The following CEP83 variants were observed in gnomAD, a reference collection of about 807,000 sequenced individuals.
CEP83 encodes the protein centrosomal protein of 83 kDa.
Under a neutral mutation model 101.9 loss-of-function variants are expected in CEP83, and 70 were observed. The observed-to-expected ratio is 0.69, with a 90% CI of 0.57 to 0.84. The LOEUF (loss-of-function observed/expected upper bound fraction) is 0.84, where lower values mean the gene tolerates loss of function less well. CEP83 is among the 40% of genes least tolerant of loss of function. The probability of loss-of-function intolerance (pLI) is 0.00; values close to 1 mark genes in which losing one functional copy is unlikely to be tolerated. For synonymous variants in CEP83, 264 were observed against 267.9 expected (o/e 0.99, Z 0.14); for missense variants, 715 against 787.2 (o/e 0.91, Z 1.10).
chr12:94,454,862 A>G (rs1159024027), intron 1 of CEP83, among the ~76,000 whole-genome samples: 3 of 152,140 alleles, frequency 2.0e-5, no homozygotes, highest in Non-Finnish European at 4.4e-5. Context: ...GAAGCCAGCA[A>G]TACCACGAAC....
chr12:94,396,908 A>C (rs570794858), intron 6 of CEP83, among the ~76,000 whole-genome samples: 2 of 152,352 alleles, frequency 1.3e-5, no homozygotes, highest in Admixed American at 1.3e-4. Flanking sequence ...TCTACTTTGA[A>C]GTTTTCAAAC....
chr12:94,328,582 G>T (rs2059072862), intron 14 of CEP83, among the ~76,000 whole-genome samples: 1 of 152,152 alleles, frequency 6.6e-6, no homozygotes, highest in Non-Finnish European at 1.5e-5. Flanking sequence ...TAAGAAGTCT[G>T]TTGCACTCTT....
chr12:94,420,017 A>C (rs2064593924), intron 2 of CEP83, among the ~76,000 whole-genome samples: 1 of 152,238 alleles, frequency 6.6e-6, no homozygotes, highest in African/African-American at 2.4e-5. Flanking sequence ...CCATTTAGAT[A>C]TCTTCTTTTA....
chr12:94,436,202 G>C (rs1226491326), intron 1 of CEP83, among the ~76,000 whole-genome samples: 1 of 152,022 alleles, frequency 6.6e-6, no homozygotes, highest in Non-Finnish European at 1.5e-5. Context: ...GATCACACTA[G>C]CTCTCCAGCA....
chr12:94,396,772 G>C (rs1233503682), intron 6 of CEP83, among the ~76,000 whole-genome samples: 3 of 152,112 alleles, frequency 2.0e-5, no homozygotes, highest in East Asian at 3.8e-4. Flanking sequence ...ACTTTCATCT[G>C]TGTAAGTAAA....
chr12:94,398,959 G>C (rs1193936050), intron 6 of CEP83, among the ~76,000 whole-genome samples: 1 of 152,164 alleles, frequency 6.6e-6, no homozygotes, highest in Non-Finnish European at 1.5e-5. Flanking sequence ...TAAATTTGGG[G>C]TCAGACCAGT....
chr12:94,286,138 G>A, the CEP83 span, among the ~76,000 whole-genome samples: 6 of 152,318 alleles, frequency 3.9e-5, no homozygotes, highest in South Asian at 6.2e-4. Flanking sequence ...AAATTAATCC[G>A]GCCTGTAGTC....
the CEP83 span, among the ~76,000 whole-genome samples, chr12:94,284,937 G>T: frequency 2.6e-5 from 4 of 152,174 alleles, no homozygotes; most frequent in Non-Finnish European, 5.9e-5. Context: ...GTGCAAACCT[G>T]GAAATAGCCC....
intron 14 of CEP83, 63 bp downstream of exon 14, chr12:94,331,637 G>A: frequency 2.0e-6 from 3 of 1,498,980 alleles, no homozygotes; most frequent in Non-Finnish European, 2.8e-6. Flanking sequence ...CTCCCAAAGT[G>A]CTGGGATTAC....
the CEP83 span, among the ~76,000 whole-genome samples, chr12:94,287,035 C>T: frequency 6.6e-6 from 1 of 152,214 alleles, no homozygotes; most frequent in Admixed American, 6.5e-5. Context: ...CTTTCCATGA[C>T]AATAACCATG....
intron 14 of CEP83, among the ~76,000 whole-genome samples, chr12:94,313,388 A>G (rs573353079): frequency 3.9e-5 from 6 of 152,098 alleles, no homozygotes. Flanking sequence ...AAGAGAACTG[A>G]GCCAGGTACA....
At chr12:94,333,768 C>A (rs1189771215) in intron 12 of CEP83, 129 bp from the exon 13 acceptor site, 2 of 759,196 alleles carry the variant, frequency 2.6e-6, no homozygotes, top group Non-Finnish European at 4.2e-6. Context: ...TTGGAGATGA[C>A]CCCTAAAGGA....
At chr12:94,378,396 A>G (rs1484336794) in intron 7 of CEP83, among the ~76,000 whole-genome samples, 3 of 152,168 alleles carry the variant, frequency 2.0e-5, no homozygotes, top group Non-Finnish European at 4.4e-5. Flanking sequence ...TTCAAACAGG[A>G]TTTGTGACTT....
At chr12:94,430,488 T>C (rs987588194) in intron 2 of CEP83, among the ~76,000 whole-genome samples, 5 of 149,012 alleles carry the variant, frequency 3.4e-5, no homozygotes, top group Admixed American at 1.3e-4. Context: ...CAAAATACAT[T>C]TGAAAGCTTC....
At chr12:94,411,630 A>G (rs1385059717) in intron 4 of CEP83, 67 bp downstream of exon 4, 3 of 1,232,074 alleles carry the variant, frequency 2.4e-6, no homozygotes, top group Non-Finnish European at 3.4e-6. Context: ...ATTCACCAAA[A>G]CTACTTACTT....
chr12:94,421,660 C>T (rs2064760509), intron 2 of CEP83, among the ~76,000 whole-genome samples: 1 of 152,142 alleles, frequency 6.6e-6, no homozygotes, highest in Non-Finnish European at 1.5e-5. Flanking sequence ...CTCTGATAAA[C>T]TCATTGTTAA....
At chr12:94,385,561 T>C (rs1380689186) in intron 6 of CEP83, among the ~76,000 whole-genome samples, 5 of 152,202 alleles carry the variant, frequency 3.3e-5, no homozygotes, top group African/African-American at 2.4e-5. Context: ...TTAGGAGGCA[T>C]TTCCTCTGAT....
Position 94,335,849 on chromosome 12 carries a change from T to C in CEP83, c.1344-185A>G, listed in dbSNP as rs937526197. 1.8e-5 allele frequency: 10 copies of C among 543,838 alleles called. No homozygotes were observed. The African/African-American group carries it at 2.0e-4, about 11-fold the overall frequency. 33.7% of individuals were successfully genotyped at this position (543,838 alleles called of 1,614,324 possible). ...AAAATGTAAAACAAATTACTGCTAT[T>C]GTGATAGGAAAATCTACAAACTAGG... is the stretch of plus-strand genomic sequence containing the variant. On this transcript the variant is annotated intron_variant, in intron 11 of 16. Transcript: ENST00000397809.
chr12:94,453,989 T>C lies in CEP83; in HGVS notation c.-155+5568A>G, dbSNP rs527726015. Among the ~76,000 whole-genome samples the C allele has an allele frequency of 3.3e-5, 5 of 151,606 alleles. 1 individual carries two copies. In the South Asian group the frequency reaches 1.0e-3, roughly 32 times the overall value. Reference sequence around the variant, plus strand: ...GCATGTGCCTGTAGTCCCAGCTACTTGGGAGGCTAAGGCAGGAGAATCGCT... The same window carrying C: ...GCATGTGCCTGTAGTCCCAGCTACTCGGGAGGCTAAGGCAGGAGAATCGCT... On this transcript the variant is annotated intron_variant, in intron 1 of 16. Coordinates refer to ENST00000397809, the MANE Select transcript of CEP83 (RefSeq NM_016122.3).
Sources: gnomAD v4.1 joint callset for allele counts (sites outside exome capture counted in the v4.1 genomes callset) on GRCh38, gnomAD v4.1.1 for gene constraint, MANE v1.5 for transcripts, NCBI Gene and HGNC (gene_info 2026-07-23, HGNC 2026-07-21) for gene names.